INPP5F: variants seen among roughly 807,000 people sequenced by gnomAD.
INPP5F encodes phosphatidylinositide 4-phosphatase SAC2.
INPP5F carries 97 observed loss-of-function variants against 137.2 expected under a neutral mutation model. The ratio of observed to expected loss-of-function variants is 0.71; its 90% CI spans 0.60 to 0.84. INPP5F has a LOEUF of 0.84. Among genes scored for constraint, INPP5F ranks in the 40% least tolerant of loss-of-function variants. The pLI is 0.00. For synonymous variants in INPP5F, 504 were observed against 476.9 expected, an observed-to-expected ratio of 1.06 and a Z score of -0.74; for missense variants, 1,271 against 1,371.9, an observed-to-expected ratio of 0.93 and a Z score of 1.16.
intron 2 of INPP5F, among the ~76,000 whole-genome samples, chr10:119,761,319 A>G (rs1033269815): frequency 1.3e-5 from 2 of 152,238 alleles, no homozygotes; most frequent in East Asian, 1.9e-4. Context: ...GAACAGAGCA[A>G]CCAGTCAGGA....
Position 119,781,677 on chromosome 10 carries a change from T to C in INPP5F, c.221T>C (p.Val74Ala), listed in dbSNP as rs749813954. Residue 74 changes from valine to alanine, a missense_variant, in exon 3 of 20, where the codon GTG becomes GCG. Coordinates refer to ENST00000650623, the MANE Select transcript of INPP5F (RefSeq NM_014937.4). ...ATTCTAATTCGGCAGAAAGCATTGG[T>C]GGGCAAACTCCCAGGAGACCATGAG... The part of the protein sequence containing the change: ...WLILIRQKAL[V>A]GKLPGDHEVC... The C allele has an allele frequency of 1.1e-5, 18 of 1,612,780 alleles. No individual in the cohort carries two copies. Among genetic ancestry groups the C allele is most frequent in the Non-Finnish European group, 1.4e-5 (16 of 1,179,106 alleles).
rs559180662 is a variant in INPP5F, at chr10:119,758,311, G to A, written c.178+7155G>A. 3.9e-5 allele frequency among the ~76,000 whole-genome samples: 6 copies of A among 152,316 alleles called. 1 individual carries two copies. Among genetic ancestry groups the A allele is most frequent in the African/African-American group, 1.2e-4 (5 of 41,576 alleles). On this transcript the variant is annotated intron_variant, in intron 2 of 19. Coordinates refer to ENST00000650623, the MANE Select transcript of INPP5F (RefSeq NM_014937.4). ...ATCTCACACGGACAGGGCCAGGGGT[G>A]GGAGCGGGGAGGCCTTGAGAGGAGA...
chr10:119,809,261 T>C (rs1850929370), intron 13 of INPP5F, among the ~76,000 whole-genome samples: 1 of 151,504 alleles, frequency 6.6e-6, no homozygotes. Flanking sequence ...TGGTTCAAGT[T>C]AGTGATTAAA....
chr10:119,726,072 T>C lies in INPP5F; in HGVS notation c.-191T>C, dbSNP rs183616108. The stretch of plus-strand genomic sequence containing the variant: ...GGGGAGAGGCCTCTACGGCCGCCGC[T>C]GCCGCCGCCGCTGCCGGGGCGCGTT... On this transcript the variant is annotated 5_prime_UTR_variant, in exon 1 of 20. Transcript: ENST00000650623. The C allele has an allele frequency of 4.9e-3, 1,793 of 368,860 alleles. 34 individuals carry two copies. The highest frequency in any genetic ancestry group is 0.036 in the African/African-American group (1,674 of 46,210). The allele number at this position is 368,860 out of a possible 1,614,324, so 22.8% of individuals were successfully genotyped here. A position where few individuals can be genotyped will look rare whatever the true frequency, so the allele number is the denominator to read the frequency against.
chr10:119,811,376 C>T (rs1307025253), intron 14 of INPP5F, among the ~76,000 whole-genome samples: 1 of 152,156 alleles, frequency 6.6e-6, no homozygotes, highest in Non-Finnish European at 1.5e-5. Context: ...GCCGCATGCC[C>T]CACCAAGAGG....
At chr10:119,797,225 T>G (rs1850416961) in intron 7 of INPP5F, among the ~76,000 whole-genome samples, 1 of 152,218 alleles carries the variant, frequency 6.6e-6, no homozygotes, top group South Asian at 2.1e-4. Flanking sequence ...TCCTATGTGC[T>G]AGTGCCTTTG....
At chr10:119,797,393 A>C in intron 7 of INPP5F, 68 bp from the exon 8 acceptor site, 2 of 1,209,864 alleles carry the variant, frequency 1.7e-6, no homozygotes, top group Non-Finnish European at 2.3e-6. Context: ...TTGATTAGGA[A>C]GCATAATCTA....
At chr10:119,734,704 A>C (rs1296905052) in intron 1 of INPP5F, among the ~76,000 whole-genome samples, 1 of 152,196 alleles carries the variant, frequency 6.6e-6, no homozygotes, top group South Asian at 2.1e-4. Flanking sequence ...GCATGGTTTT[A>C]TGGGGAATTA....
At chr10:119,788,599 G>T (rs1372137613) in intron 3 of INPP5F, among the ~76,000 whole-genome samples, 2 of 152,172 alleles carry the variant, frequency 1.3e-5, no homozygotes, top group Admixed American at 1.3e-4. Context: ...AGTCCTTACA[G>T]TTCCAGTGCC....
intron 2 of INPP5F, among the ~76,000 whole-genome samples, chr10:119,764,355 A>G (rs1849092440): frequency 6.6e-6 from 1 of 152,166 alleles, no homozygotes; most frequent in Non-Finnish European, 1.5e-5. Flanking sequence ...ACACACACAC[A>G]CACACAAACA....
intron 12 of INPP5F, 36 bp from the exon 13 acceptor site, chr10:119,807,896 C>A: frequency 6.3e-7 from 1 of 1,574,900 alleles, no homozygotes; most frequent in Non-Finnish European, 8.6e-7. Flanking sequence ...GTTTCCTGGC[C>A]CATATACAGT....
At chr10:119,777,734 G>C (rs1849573298) in intron 2 of INPP5F, among the ~76,000 whole-genome samples, 1 of 152,126 alleles carries the variant, frequency 6.6e-6, no homozygotes, top group African/African-American at 2.4e-5. Flanking sequence ...AAGATGCTTG[G>C]TAATGTCCAT....
chr10:119,772,320 C>T (rs925909036), intron 2 of INPP5F, among the ~76,000 whole-genome samples: 1 of 152,002 alleles, frequency 6.6e-6, no homozygotes, highest in African/African-American at 2.4e-5. Flanking sequence ...ATAGTAAGGA[C>T]AAGTGGGGAT....
In INPP5F at chr10:119,827,844, G is replaced by A; in HGVS notation, c.*64G>A. On this transcript the variant is annotated 3_prime_UTR_variant, in exon 20 of 20. Coordinates refer to ENST00000650623, the MANE Select transcript of INPP5F (RefSeq NM_014937.4). ...AAATATGAAATTTTCACCTCTTGGGGTATTTTAATTGTACTGTCTGAACCC... is the reference window on the plus strand; with the variant it reads ...AAATATGAAATTTTCACCTCTTGGGATATTTTAATTGTACTGTCTGAACCC... 8.4e-7 allele frequency: 1 copy of A among 1,194,484 alleles called. No individual in the cohort carries two copies. The highest frequency in any genetic ancestry group is 1.2e-6 in the Non-Finnish European group (1 of 847,358). 74.0% of individuals were successfully genotyped at this position (1,194,484 alleles called of 1,614,324 possible). A position where few individuals can be genotyped will look rare whatever the true frequency, so the allele number is the denominator to read the frequency against.
chr10:119,759,616 A>G (rs1191077034), intron 2 of INPP5F, among the ~76,000 whole-genome samples: 1 of 152,140 alleles, frequency 6.6e-6, no homozygotes, highest in Non-Finnish European at 1.5e-5. Context: ...TCGGCCTCCC[A>G]AAGTCCTGGG....
chr10:119,726,436 C>G, intron 1 of INPP5F, 77 bp downstream of exon 1: 1 of 842,174 alleles, frequency 1.2e-6, no homozygotes. Flanking sequence ...ACCCCTCAGC[C>G]GGGCGGGAGG....
intron 1 of INPP5F, among the ~76,000 whole-genome samples, chr10:119,744,776 C>T (rs1171332008): frequency 6.6e-6 from 1 of 152,130 alleles, no homozygotes; most frequent in Admixed American, 6.5e-5. Context: ...ACACCCCTGA[C>T]CTCAAGTAAT....
intron 2 of INPP5F, among the ~76,000 whole-genome samples, chr10:119,753,211 CACGT>C (rs1848738155): frequency 6.6e-6 from 1 of 152,136 alleles, no homozygotes; most frequent in African/African-American, 2.4e-5. Context: ...ATTTAAATGA[CACGT>C]ATGAAACTTT....
rs749784478 is a variant in INPP5F, at chr10:119,751,301, C to T, written c.178+145C>T. 69 of 638,634 alleles carry T rather than the reference C, an allele frequency of 1.1e-4. No homozygotes were observed. The Middle Eastern group carries it at 2.0e-3, about 19-fold the overall frequency. 39.6% of individuals were successfully genotyped at this position (638,634 alleles called of 1,614,324 possible). A position where few individuals can be genotyped will look rare whatever the true frequency, so the allele number is the denominator to read the frequency against. ...CTGCTCAAAGTGGGTGTATAATGAG[C>T]GAAGACCTGTTTCTACTCTTATGGA... On this transcript the variant is annotated intron_variant, in intron 2 of 19. Transcript: ENST00000650623.
Sources: gnomAD v4.1 joint callset for allele counts (sites outside exome capture counted in the v4.1 genomes callset) on GRCh38, gnomAD v4.1.1 for gene constraint, MANE v1.5 for transcripts, NCBI Gene and HGNC (gene_info 2026-07-23, HGNC 2026-07-21) for gene names.